MRPS22: variants seen among roughly 807,000 people sequenced by gnomAD.
MRPS22 encodes small ribosomal subunit protein mS22.
A neutral mutation model predicts 44.0 loss-of-function variants in MRPS22; 30 were observed. That is an observed-to-expected ratio of 0.68 (90% confidence interval 0.51 to 0.93). The LOEUF (loss-of-function observed/expected upper bound fraction) is 0.93, where lower values mean the gene tolerates loss of function less well. Among genes scored for constraint, MRPS22 ranks in the 40% least tolerant of loss-of-function variants. The pLI is 0.00. For synonymous variants in MRPS22, 165 were observed against 154.4 expected (o/e 1.07, Z -0.51); for missense variants, 447 against 447.8 (o/e 1.00, Z 0.02).
At chr3:139,354,693 T>G (rs972597290) in intron 6 of MRPS22, among the ~76,000 whole-genome samples, 1 of 152,154 alleles carries the variant, frequency 6.6e-6, no homozygotes, top group African/African-American at 2.4e-5. Context: ...ACTGTCACCC[T>G]GCTCTTCATC....
chr3:139,347,916 T>C (rs1941072744), intron 2 of MRPS22, among the ~76,000 whole-genome samples: 1 of 152,228 alleles, frequency 6.6e-6, no homozygotes, highest in Non-Finnish European at 1.5e-5. Context: ...TAGCCTGGCT[T>C]TGTCTCAGAG....
At position 139,350,246 on chromosome 3, in the gene MRPS22, G is replaced by A. The variant is rs768880732; in HGVS notation, c.572G>A (p.Arg191Gln). Residue 191 changes from arginine to glutamine, a missense_variant, in exon 4 of 8, where the codon CGA (arginine) becomes CAA (glutamine). Coordinates refer to ENST00000680020, the MANE Select transcript of MRPS22 (RefSeq NM_020191.4). Reference protein sequence around the residue: ...LRKASWEERDRMIQVYFPKEG... With the variant: ...LRKASWEERDQMIQVYFPKEG... ...AAAGCCTCTTGGGAAGAACGGGACC[G>A]AATGATACAAGTTTATTTCCCAAAA... 8.7e-6 allele frequency: 14 copies of A among 1,614,036 alleles called. No homozygotes were observed. Among genetic ancestry groups the A allele is most frequent in the African/African-American group, 4.0e-5 (3 of 75,014 alleles).
chr3:139,352,982 C>T (rs767992368), intron 6 of MRPS22, among the ~76,000 whole-genome samples, 190 bp downstream of exon 6: 1 of 152,062 alleles, frequency 6.6e-6, no homozygotes, highest in Non-Finnish European at 1.5e-5. Flanking sequence ...GTAAGTAAGC[C>T]ACTTACTTTC....
Position 139,346,993 on chromosome 3 carries a change from A to G in MRPS22, c.288A>G (p.Gln96=), listed in dbSNP as rs1392429334. 1 of 1,614,138 alleles carries G rather than the reference A, an allele frequency of 6.2e-7. No homozygotes were observed. Among genetic ancestry groups the G allele is most frequent in the African/African-American group, 1.3e-5 (1 of 74,950 alleles). Residue 96 remains glutamine, a synonymous_variant, in exon 2 of 8, where the codon CAA becomes CAG. Coordinates refer to ENST00000680020, the MANE Select transcript of MRPS22 (RefSeq NM_020191.4). The part of the protein sequence containing the change: ...NLQKTFKPAI[Q]ELKPPTYKLM... ...AGAAGACTTTTAAGCCAGCTATACAAGAACTGAAGCCACCAACCTATAAGC... is the reference window on the plus strand; with the variant it reads ...AGAAGACTTTTAAGCCAGCTATACAGGAACTGAAGCCACCAACCTATAAGC...
In MRPS22 at chr3:139,355,800, T is replaced by A; in HGVS notation, c.987+10T>A. 4 of 1,602,340 alleles carry A rather than the reference T, an allele frequency of 2.5e-6. No individual in the cohort carries two copies. Among genetic ancestry groups the A allele is most frequent in the Non-Finnish European group, 3.4e-6 (4 of 1,169,496 alleles). ...AATAAATTTAATCAAGGTAAAGTTTTTTTTTCATATTGGTTGTTTTGTGGT... is the reference window on the plus strand; with the variant it reads ...AATAAATTTAATCAAGGTAAAGTTTATTTTTCATATTGGTTGTTTTGTGGT... On this transcript the variant is annotated intron_variant, in intron 7 of 7. Transcript: ENST00000680020.
intron 2 of MRPS22, 130 bp from the exon 3 acceptor site, chr3:139,348,030 T>G: frequency 1.1e-6 from 1 of 951,336 alleles, no homozygotes; most frequent in South Asian, 1.5e-5. Context: ...GGCTTTTTAC[T>G]CACTGATTTG....
Position 139,356,900 on chromosome 3 carries a change from TTC to T in MRPS22, c.988-17_988-16del. On this transcript the variant is annotated splice_polypyrimidine_tract_variant and intron_variant, in intron 7 of 7. Transcript: ENST00000680020. Reference sequence around the variant, plus strand: ...GCATATGTCCTATTGTTTTAAAATTTTCTTTTTAATTTAAACAGGTCTTTGCA... The same window carrying T: ...GCATATGTCCTATTGTTTTAAAATTTTTTTTAATTTAAACAGGTCTTTGCA... The T allele has an allele frequency of 1.3e-6, 2 of 1,577,392 alleles. No individual in the cohort carries two copies. Among genetic ancestry groups the T allele is most frequent in the Non-Finnish European group, 1.7e-6 (2 of 1,147,918 alleles).
chr3:139,356,193 G>A (rs1490654577), intron 7 of MRPS22, among the ~76,000 whole-genome samples: 2 of 152,178 alleles, frequency 1.3e-5, no homozygotes, highest in African/African-American at 4.8e-5. Flanking sequence ...ACATCACATC[G>A]GGGGAAATGG....
At chr3:139,349,505 C>A (rs897319443) in intron 3 of MRPS22, 8 of 231,180 alleles carry the variant, frequency 3.5e-5, no homozygotes, top group Non-Finnish European at 7.0e-5. Context: ...AAATTATAAT[C>A]CACATTTCCT....
rs746881295 is a variant in MRPS22, at chr3:139,350,245, C to T, written c.571C>T (p.Arg191Ter). The T allele has an allele frequency of 5.6e-6, 9 of 1,613,842 alleles. No individual in the cohort carries two copies. Among genetic ancestry groups the T allele is most frequent in the African/African-American group, 5.3e-5 (4 of 74,848 alleles). Reference protein sequence around the residue: ...LRKASWEERDRMIQVYFPKEG... With the variant: ...LRKASWEERD ...CAAAGCCTCTTGGGAAGAACGGGAC[C>T]GAATGATACAAGTTTATTTCCCAAA... Residue 191 changes from arginine to a stop codon, truncating the protein, a stop_gained, in exon 4 of 8, where the codon CGA becomes TGA. Coordinates refer to ENST00000680020, the MANE Select transcript of MRPS22 (RefSeq NM_020191.4). LOFTEE classifies it high-confidence loss of function.
At chr3:139,355,859 C>A in intron 7 of MRPS22, 69 bp downstream of exon 7, 3 of 1,103,740 alleles carry the variant, frequency 2.7e-6, no homozygotes, top group South Asian at 1.3e-5. Context: ...AGAATTGGGT[C>A]ATAATTAATG....
At chr3:139,350,130 A>G in intron 3 of MRPS22, 49 bp from the exon 4 acceptor site, 2 of 1,611,960 alleles carry the variant, frequency 1.2e-6, no homozygotes, top group South Asian at 1.1e-5. Context: ...CACAGGAACT[A>G]AAAATACGTC....
At position 139,352,376 on chromosome 3, in the gene MRPS22, C is replaced by T. The variant is rs1941167364; in HGVS notation, c.733-271C>T. The T allele has an allele frequency of 1.9e-4, 76 of 394,292 alleles. 2 individuals carry two copies. The highest frequency in any genetic ancestry group is 1.8e-3 in the South Asian group (76 of 42,494). The allele number at this position is 394,292 out of a possible 1,614,324, so 24.4% of individuals were successfully genotyped here. A position where few individuals can be genotyped will look rare whatever the true frequency, so the allele number is the denominator to read the frequency against. ...AGAGATGAGGACTGCTCAAGCAGTCCTCCCACCTCAGCTTCCCAAAGTGTT... is the reference window on the plus strand; with the variant it reads ...AGAGATGAGGACTGCTCAAGCAGTCTTCCCACCTCAGCTTCCCAAAGTGTT... On this transcript the variant is annotated intron_variant, in intron 5 of 7. Coordinates refer to ENST00000680020, the MANE Select transcript of MRPS22 (RefSeq NM_020191.4).
chr3:139,355,653 T>C (rs1941234408), intron 6 of MRPS22, 29 bp from the exon 7 acceptor site: 1 of 1,549,670 alleles, frequency 6.5e-7, no homozygotes, highest in East Asian at 2.2e-5. Flanking sequence ...AGAAAACCCC[T>C]AGATAACATT....
At chr3:139,349,658 G>A (rs1418594341) in intron 3 of MRPS22, among the ~76,000 whole-genome samples, 5 of 152,174 alleles carry the variant, frequency 3.3e-5, no homozygotes, top group African/African-American at 4.8e-5. Context: ...TTGGAAGATC[G>A]AAGTGACCAG....
intron 3 of MRPS22, chr3:139,349,044 T>G (rs1941098047): frequency 3.4e-6 from 1 of 292,292 alleles, no homozygotes; most frequent in African/African-American, 2.2e-5. Context: ...ATTAATCTTT[T>G]ATTATACATG....
chr3:139,347,369 G>A (rs1941059542), intron 2 of MRPS22, among the ~76,000 whole-genome samples: 1 of 152,028 alleles, frequency 6.6e-6, no homozygotes, highest in Admixed American at 6.6e-5. Context: ...ATCTGCCTTG[G>A]GGCTGAAGCT....
rs1941046398 is a variant in MRPS22, at chr3:139,346,886, G to A, written c.181G>A (p.Gly61Ser). ...RRFSSEAAES[G>S]SPETKKPTFM... The stretch of plus-strand genomic sequence containing the variant: ...ACTAAAGTCCATTTTAGCAGAATCT[G>A]GTAGCCCAGAGACCAAGAAACCTAC... Residue 61 changes from glycine to serine, a missense_variant, in exon 2 of 8, where the codon GGT becomes AGT. Coordinates refer to ENST00000680020, the MANE Select transcript of MRPS22 (RefSeq NM_020191.4). 1 of 1,613,934 alleles carries A rather than the reference G, an allele frequency of 6.2e-7. No homozygotes were observed. The highest frequency in any genetic ancestry group is 1.7e-5 in the Admixed American group (1 of 60,006).
chr3:139,345,912 T>C (rs1576361147), intron 1 of MRPS22, among the ~76,000 whole-genome samples: 1 of 152,116 alleles, frequency 6.6e-6, no homozygotes, highest in Admixed American at 6.5e-5. Flanking sequence ...ATAGGAGAAA[T>C]CATCGAGTAA....
Sources: allele counts gnomAD v4.1 joint callset (sites outside exome capture counted in the v4.1 genomes callset), GRCh38; gene constraint gnomAD v4.1.1; transcripts MANE v1.5; gene names NCBI Gene and HGNC (gene_info 2026-07-23, HGNC 2026-07-21).